The following TBCCD1 variants were observed in gnomAD, a reference collection of about 807,000 sequenced individuals.
The protein encoded by TBCCD1 is TBCC domain-containing protein 1.
Under a neutral mutation model 53.4 loss-of-function variants are expected in TBCCD1, and 26 were observed. The ratio of observed to expected loss-of-function variants is 0.49; its 90% confidence interval spans 0.36 to 0.68. The LOEUF is 0.68. Ranked by LOEUF, TBCCD1 falls within the 30% of genes least tolerant of loss-of-function variation. TBCCD1 has a pLI of 0.00. For synonymous variants in TBCCD1, 245 were observed against 241.7 expected, an observed-to-expected ratio of 1.01 and a Z score of -0.13; for missense variants, 558 against 669.5, an observed-to-expected ratio of 0.83 and a Z score of 1.84.
intron 1 of TBCCD1, among the ~76,000 whole-genome samples, chr3:186,565,109 C>CTTTT (rs370017010): frequency 7.2e-4 from 90 of 124,748 alleles, no homozygotes; most frequent in African/African-American, 1.4e-3. Context: ...TCTTCTTCTT[C>CTTTT]TTTTTTTTTT....
chr3:186,554,514 G>A lies in TBCCD1; in HGVS notation c.1284C>T (p.Asp428=). 6.2e-7 allele frequency: 1 copy of A among 1,614,240 alleles called. No individual in the cohort carries two copies. The highest frequency in any genetic ancestry group is 8.5e-7 in the Non-Finnish European group (1 of 1,180,050). The change falls in exon 6 of 8, where the codon GAC becomes GAT. Residue 428 remains aspartate, a synonymous_variant. Coordinates refer to ENST00000338733, the MANE Select transcript of TBCCD1 (RefSeq NM_018138.5). ...PFHTHYPMLE[D]HMARTGLATV... is the part of the protein sequence containing the mutation. ...TAGCAAGGCCAGTCCTGGCCATATG[G>A]TCCTCTAGCATTGGGTAATGTGTAT...
At chr3:186,550,238 A>C (rs1022606127) in intron 7 of TBCCD1, among the ~76,000 whole-genome samples, 7 of 151,514 alleles carry the variant, frequency 4.6e-5, no homozygotes, top group African/African-American at 1.5e-4. Flanking sequence ...AAAAAAAAAA[A>C]AAAAAAAAAC....
intron 6 of TBCCD1, 126 bp from the exon 7 acceptor site, chr3:186,551,405 G>T: frequency 2.0e-6 from 2 of 996,320 alleles, no homozygotes; most frequent in Non-Finnish European, 2.9e-6. Context: ...TTATCCTTTT[G>T]TTCTCACTGT....
At chr3:186,568,736 A>G (rs1023527268), upstream of TBCCD1, among the ~76,000 whole-genome samples, 1 of 152,024 alleles carries the variant, frequency 6.6e-6, no homozygotes, top group African/African-American at 2.4e-5. Flanking sequence ...CCCAGTCTCT[A>G]CTAAAAATAC....
At chr3:186,555,339 C>CT (rs1204339855) in intron 4 of TBCCD1, among the ~76,000 whole-genome samples, 1 of 152,104 alleles carries the variant, frequency 6.6e-6, no homozygotes, top group East Asian at 1.9e-4. Flanking sequence ...GCCTATAAGT[C>CT]TAAGATACTT....
chr3:186,554,775 A>G (rs747455132), intron 5 of TBCCD1, 24 bp from the exon 6 acceptor site: 1 of 1,600,130 alleles, frequency 6.2e-7, no homozygotes, highest in South Asian at 1.1e-5. Context: ...AAAATGAGGT[A>G]AAGTCCTCTG....
At chr3:186,554,181 A>G in intron 6 of TBCCD1, 73 bp downstream of exon 6, 1 of 1,581,482 alleles carries the variant, frequency 6.3e-7, no homozygotes, top group Non-Finnish European at 8.6e-7. Flanking sequence ...CAGCTGTAAA[A>G]ATGTGCAGAC....
chr3:186,564,319 G>T lies in TBCCD1; in HGVS notation c.11C>A (p.Ser4Tyr). MDQ[S>Y]RVLLWVKAEP... Reference sequence around the variant, plus strand: ...TGCTTTCACCCAGAGGAGAACTCTGGACTGATCCATATTATCTCTAAGGAC... The same window carrying T: ...TGCTTTCACCCAGAGGAGAACTCTGTACTGATCCATATTATCTCTAAGGAC... The change falls in exon 2 of 8, where the codon TCC becomes TAC. Residue 4 changes from serine to tyrosine, a missense_variant. Physicochemically the swap from Ser to Tyr is moderately radical, Grantham distance 144. Coordinates refer to ENST00000338733, the MANE Select transcript of TBCCD1 (RefSeq NM_018138.5). 6.2e-7 allele frequency: 1 copy of T among 1,610,806 alleles called. No homozygotes were observed. The highest frequency in any genetic ancestry group is 8.5e-7 in the Non-Finnish European group (1 of 1,178,238).
At chr3:186,568,699 G>A (rs183215746), upstream of TBCCD1, among the ~76,000 whole-genome samples, 865 of 152,094 alleles carry the variant, frequency 5.7e-3, 15 homozygotes, top group African/African-American at 0.02. Context: ...TCAGGAGTTC[G>A]AGACCAGCCT....
chr3:186,551,522 G>C (rs1398248128), intron 6 of TBCCD1, among the ~76,000 whole-genome samples: 3 of 152,154 alleles, frequency 2.0e-5, no homozygotes, highest in African/African-American at 7.2e-5. Context: ...TGAACACTGG[G>C]TACTGTTCTG....
At chr3:186,549,841 CTTTAAT>C (rs1248605146) in intron 7 of TBCCD1, among the ~76,000 whole-genome samples, 12 of 152,266 alleles carry the variant, frequency 7.9e-5, no homozygotes, top group East Asian at 1.9e-4. Flanking sequence ...TTTTACATTT[CTTTAAT>C]TTTAAGTAAG....
intron 2 of TBCCD1, among the ~76,000 whole-genome samples, chr3:186,562,663 A>G (rs1350511857): frequency 6.6e-6 from 1 of 152,052 alleles, no homozygotes; most frequent in Non-Finnish European, 1.5e-5. Context: ...AAATTCTCTA[A>G]GACAGTAGAT....
chr3:186,567,398 C>A (rs1714871960), upstream of TBCCD1: 1 of 152,246 alleles, frequency 6.6e-6, no homozygotes, highest in South Asian at 2.1e-4. Context: ...AGGCCCCGCA[C>A]CACCGAGACC....
upstream of TBCCD1, chr3:186,570,509 G>C (rs932569431): frequency 6.0e-6 from 3 of 496,254 alleles, no homozygotes; most frequent in Non-Finnish European, 1.1e-5. Flanking sequence ...AGCTCAGGCA[G>C]AGCGGGTTCC....
In TBCCD1 at chr3:186,558,580, A is replaced by T; in HGVS notation, c.337-8T>A. 1 of 1,611,570 alleles carries T rather than the reference A, an allele frequency of 6.2e-7. No individual in the cohort carries two copies. Among genetic ancestry groups the T allele is most frequent in the Non-Finnish European group, 8.5e-7 (1 of 1,179,122 alleles). Reference sequence around the variant, plus strand: ...TAGCGTGTCCACTGAAAGCTGTCCAAGAAGAAAATAAAAGATGAATAGACG... The same window carrying T: ...TAGCGTGTCCACTGAAAGCTGTCCATGAAGAAAATAAAAGATGAATAGACG... On this transcript the variant is annotated splice_polypyrimidine_tract_variant and splice_region_variant and intron_variant, in intron 2 of 7. Coordinates refer to ENST00000338733, the MANE Select transcript of TBCCD1 (RefSeq NM_018138.5).
At position 186,554,899 on chromosome 3, in the gene TBCCD1, G is replaced by GT; in HGVS notation, c.1044dup (p.Arg349ThrfsTer6). The stretch of plus-strand genomic sequence containing the variant: ...GAACACCATGAAAACTGTGCTTACC[G>GT]TAAGGGAGAGAGCAGATATATAAAA... On this transcript the variant is annotated frameshift_variant and splice_region_variant, in exon 5 of 8. Coordinates refer to ENST00000338733, the MANE Select transcript of TBCCD1 (RefSeq NM_018138.5). LOFTEE classifies it high-confidence loss of function. 2 of 1,613,534 alleles carry GT rather than the reference G, an allele frequency of 1.2e-6. No homozygotes were observed. The highest frequency in any genetic ancestry group is 1.1e-5 in the South Asian group (1 of 90,990).
At chr3:186,565,577 A>C (rs923853462) in intron 1 of TBCCD1, among the ~76,000 whole-genome samples, 9 of 152,214 alleles carry the variant, frequency 5.9e-5, no homozygotes, top group African/African-American at 2.2e-4. Context: ...ACTAGGTTTC[A>C]GATTTTTCAC....
At chr3:186,561,799 T>A (rs9815378) in intron 2 of TBCCD1, among the ~76,000 whole-genome samples, 54,650 of 150,352 alleles carry the variant, frequency 0.36, 12,089 homozygotes, top group East Asian at 0.71. Flanking sequence ...AAAAAAAAAA[T>A]AAATAAATAG....
rs1714214891 is a variant in TBCCD1, at chr3:186,546,643, CA to C, written c.*333del. ...AGGAAATCGAGACCATCCTGACTAA[CA>C]CGGTGAAACCCCGTCTCTACTAAAA... On this transcript the variant is annotated 3_prime_UTR_variant, in exon 8 of 8. Transcript: ENST00000338733. 1 of 152,178 alleles carries C rather than the reference CA, an allele frequency of 6.6e-6. No homozygotes were observed. Among genetic ancestry groups the C allele is most frequent in the African/African-American group, 2.4e-5 (1 of 41,404 alleles). The allele number at this position is 152,178 out of a possible 1,614,324, so 9.4% of individuals were successfully genotyped here.
Sources: gnomAD v4.1 joint callset for allele counts (sites outside exome capture counted in the v4.1 genomes callset) on GRCh38, gnomAD v4.1.1 for gene constraint, MANE v1.5 for transcripts, NCBI Gene and HGNC (gene_info 2026-07-23, HGNC 2026-07-21) for gene names.